IL1RAPL2: variants seen among roughly 807,000 people sequenced by gnomAD.
The protein encoded by IL1RAPL2 is X-linked interleukin-1 receptor accessory protein-like 2.
In IL1RAPL2, 3 loss-of-function variants were observed where a neutral mutation model predicts 44.1. The observed-to-expected ratio is 0.07, with a 90% CI of 0.03 to 0.18. IL1RAPL2 has a LOEUF of 0.18. Ranked by LOEUF, IL1RAPL2 falls within the 10% of genes least tolerant of loss-of-function variation. IL1RAPL2 has a pLI of 1.00. For missense variants in IL1RAPL2, 391 were observed against 496.4 expected, an observed-to-expected ratio of 0.79 and a Z score of 2.02; for synonymous variants, 181 against 178.8, an observed-to-expected ratio of 1.01 and a Z score of -0.10.
intron 6 of IL1RAPL2, among the ~76,000 whole-genome samples, chrX:105,697,563 C>A (rs1218122415): frequency 9.1e-6 from 1 of 110,251 alleles, no homozygotes; most frequent in African/African-American, 3.3e-5. Flanking sequence ...GGAACTATAG[C>A]GGACATGGTA....
intron 2 of IL1RAPL2, among the ~76,000 whole-genome samples, chrX:104,934,090 T>C (rs951518264): frequency 7.1e-5 from 8 of 112,305 alleles, no homozygotes; most frequent in Non-Finnish European, 1.3e-4. Context: ...ATAGCTCTTA[T>C]GAAAAAGCAG....
chrX:105,399,814 A>G (rs1005909839), intron 5 of IL1RAPL2, among the ~76,000 whole-genome samples: 1 of 111,368 alleles, frequency 9.0e-6, no homozygotes, highest in African/African-American at 3.3e-5. Context: ...TGGAGGAGGC[A>G]GACATATTAT....
intron 6 of IL1RAPL2, among the ~76,000 whole-genome samples, chrX:105,662,735 A>G (rs1012755821): frequency 2.7e-5 from 3 of 111,411 alleles, no homozygotes; most frequent in Admixed American, 1.9e-4. Flanking sequence ...GAGGACATTT[A>G]GGTATCCTAT....
intron 2 of IL1RAPL2, among the ~76,000 whole-genome samples, chrX:104,740,407 G>T (rs1932082903): frequency 9.0e-6 from 1 of 110,805 alleles, no homozygotes; most frequent in South Asian, 3.8e-4. Flanking sequence ...ACACAAAATT[G>T]TTGTCTGTTA....
chrX:104,651,592 A>G (rs934305870), intron 1 of IL1RAPL2, among the ~76,000 whole-genome samples: 1 of 111,918 alleles, frequency 8.9e-6, no homozygotes, highest in African/African-American at 3.2e-5. Flanking sequence ...AATCATAGAT[A>G]GAATAGGTTT....
chrX:104,840,026 G>T (rs558083706), intron 2 of IL1RAPL2, among the ~76,000 whole-genome samples: 1 of 111,259 alleles, frequency 9.0e-6, no homozygotes, highest in Non-Finnish European at 1.9e-5. Flanking sequence ...TCCTGGATTC[G>T]TTGATTTTTT....
chrX:105,160,658 A>G (rs2033315184), intron 2 of IL1RAPL2, among the ~76,000 whole-genome samples: 1 of 111,509 alleles, frequency 9.0e-6, no homozygotes, highest in Non-Finnish European at 1.9e-5. Context: ...CCATAAATCT[A>G]AGAGAGAATG....
chrX:105,072,852 G>A (rs2032227037), intron 2 of IL1RAPL2, among the ~76,000 whole-genome samples: 1 of 108,298 alleles, frequency 9.2e-6, no homozygotes, highest in Admixed American at 9.9e-5. Flanking sequence ...ATGGAACAAT[G>A]AATCCATGTG....
chrX:104,595,234 G>A (rs752999473), intron 1 of IL1RAPL2, among the ~76,000 whole-genome samples: 3 of 111,074 alleles, frequency 2.7e-5, no homozygotes, highest in East Asian at 2.8e-4. Context: ...ACTTACAATC[G>A]TATTTAATGT....
chrX:105,018,574 C>T (rs1407619029), intron 2 of IL1RAPL2, among the ~76,000 whole-genome samples: 2 of 111,458 alleles, frequency 1.8e-5, no homozygotes, highest in Admixed American at 9.6e-5. Flanking sequence ...CATAATCACA[C>T]GAATCACCTA....
rs144805562 is a variant in IL1RAPL2, at chrX:105,021,744, C to T, written c.83-173731C>T. ...TAGGATTGGACTGCCCAAAACAATA[C>T]GTGGGTATTTGCCTATGATAAGCTA... On this transcript the variant is annotated intron_variant, in intron 2 of 10. Coordinates refer to ENST00000372582, the MANE Select transcript of IL1RAPL2 (RefSeq NM_017416.2). Among the ~76,000 whole-genome samples the T allele has an allele frequency of 9.0e-5, 10 of 111,705 alleles. No individual in the cohort carries two copies. The East Asian group carries it at 2.8e-3, about 32-fold the overall frequency.
intron 2 of IL1RAPL2, among the ~76,000 whole-genome samples, chrX:104,773,934 G>A (rs748373909): frequency 8.9e-6 from 1 of 112,165 alleles, no homozygotes. Context: ...CAATCTTAGG[G>A]GAAGGCATGG....
intron 7 of IL1RAPL2, among the ~76,000 whole-genome samples, chrX:105,730,067 A>G (rs574046096): frequency 9.0e-6 from 1 of 111,621 alleles, no homozygotes; most frequent in South Asian, 3.7e-4. Flanking sequence ...TAAAAGATAT[A>G]GATTGGCTGA....
intron 6 of IL1RAPL2, among the ~76,000 whole-genome samples, chrX:105,684,464 C>T (rs1002755350): frequency 1.1e-4 from 12 of 112,594 alleles, no homozygotes; most frequent in Non-Finnish European, 1.9e-4. Context: ...TACGAGGCAG[C>T]AGCCTGGCTC....
At chrX:105,082,616 C>A (rs1312758748) in intron 2 of IL1RAPL2, among the ~76,000 whole-genome samples, 1 of 111,457 alleles carries the variant, frequency 9.0e-6, no homozygotes, top group African/African-American at 3.3e-5. Flanking sequence ...AGGCAGCAAT[C>A]TTTGCTGTTC....
intron 2 of IL1RAPL2, among the ~76,000 whole-genome samples, chrX:104,882,344 T>C (rs1923093340): frequency 8.9e-6 from 1 of 112,327 alleles, no homozygotes; most frequent in Admixed American, 9.4e-5. Context: ...AGTACCCATT[T>C]TCAATGATTA....
chrX:105,730,265 CAAAG>C (rs1351835508), intron 7 of IL1RAPL2, among the ~76,000 whole-genome samples: 1 of 110,105 alleles, frequency 9.1e-6, no homozygotes. Context: ...TAAAAAGAGA[CAAAG>C]AAGGTCATTA....
chrX:105,661,658 G>T lies in IL1RAPL2; in HGVS notation c.773-55709G>T, dbSNP rs142879497. Among the ~76,000 whole-genome samples the T allele has an allele frequency of 4.8e-3, 541 of 111,952 alleles. 2 individuals carry two copies. Among genetic ancestry groups the T allele is most frequent in the Middle Eastern group, 0.028 (6 of 217 alleles). ...TATAAAAATACATGGAGGCTGGTCT[G>T]AGAATCTCAAATATTGTAGCTGTCT... On this transcript the variant is annotated intron_variant, in intron 6 of 10. Coordinates refer to ENST00000372582, the MANE Select transcript of IL1RAPL2 (RefSeq NM_017416.2).
At chrX:104,844,070 A>G (rs1395259924) in intron 2 of IL1RAPL2, among the ~76,000 whole-genome samples, 1 of 109,934 alleles carries the variant, frequency 9.1e-6, no homozygotes, top group African/African-American at 3.3e-5. Flanking sequence ...AGTCTTTACA[A>G]AGTTTCTGTA....
Sources: allele counts gnomAD v4.1 joint callset (sites outside exome capture counted in the v4.1 genomes callset), GRCh38; gene constraint gnomAD v4.1.1; transcripts MANE v1.5; gene names NCBI Gene and HGNC (gene_info 2026-07-23, HGNC 2026-07-21).